ACO2: variants seen among roughly 807,000 people sequenced by gnomAD.
ACO2 encodes aconitate hydratase, mitochondrial.
ACO2 carries 31 observed loss-of-function variants against 84.5 expected under a neutral mutation model. That is an observed-to-expected ratio of 0.37 (90% CI 0.28 to 0.50). ACO2 has a LOEUF of 0.50. Ranked by LOEUF, ACO2 falls within the 20% of genes least tolerant of loss-of-function variation. The pLI, the probability that ACO2 is intolerant of heterozygous loss-of-function variation, is 0.97. For synonymous variants in ACO2, 414 were observed against 412.7 expected (o/e 1.00, Z -0.04); for missense variants, 685 against 1,029.3 (o/e 0.67, Z 4.58).
intron 7 of ACO2, 141 bp from the exon 8 acceptor site, chr22:41,518,340 C>T (rs1171163231): frequency 3.0e-6 from 2 of 664,826 alleles, no homozygotes; most frequent in Non-Finnish European, 5.4e-6. Flanking sequence ...AGGGCAGAGA[C>T]AGCAGCCTTG....
intron 1 of ACO2, among the ~76,000 whole-genome samples, chr22:41,485,124 A>G (rs7288661): frequency 0.062 from 9,377 of 151,728 alleles, 926 homozygotes; most frequent in African/African-American, 0.21. Context: ...TAATCCACCC[A>G]CCTCAGCCTC....
At chr22:41,523,768 C>T (rs1436184154) in intron 11 of ACO2, 62 bp from the exon 12 acceptor site, 48 of 1,448,420 alleles carry the variant, frequency 3.3e-5, no homozygotes, top group Non-Finnish European at 4.2e-5. Context: ...GCTTATCTGT[C>T]CTCGGGACAG....
chr22:41,499,713 T>C lies in ACO2; in HGVS notation c.37-13T>C. 1 of 1,610,256 alleles carries C rather than the reference T, an allele frequency of 6.2e-7. No homozygotes were observed. ...TGCTCCATTGACAGTGGCTGTCATG[T>C]TTCTTCTTGCAGAAAGCTCTGGGTG... On this transcript the variant is annotated splice_polypyrimidine_tract_variant and intron_variant, in intron 1 of 17. Coordinates refer to ENST00000216254, the MANE Select transcript of ACO2 (RefSeq NM_001098.3).
At chr22:41,513,558 C>T (rs2066452918) in intron 4 of ACO2, among the ~76,000 whole-genome samples, 1 of 152,210 alleles carries the variant, frequency 6.6e-6, no homozygotes, top group Non-Finnish European at 1.5e-5. Context: ...CGGCCCTCCC[C>T]GTGCCTGGCA....
chr22:41,482,212 C>G (rs2038095952), intron 1 of ACO2, among the ~76,000 whole-genome samples: 1 of 152,232 alleles, frequency 6.6e-6, no homozygotes, highest in African/African-American at 2.4e-5. Flanking sequence ...GCTCATCCAG[C>G]TAGACTCAGC....
Position 41,528,479 on chromosome 22 carries a change from C to A in ACO2, c.2209C>A (p.Pro737Thr), listed in dbSNP as rs149528960. The A allele has an allele frequency of 1.2e-4, 199 of 1,611,868 alleles. No individual in the cohort carries two copies. Among genetic ancestry groups the A allele is most frequent in the Non-Finnish European group, 1.7e-4 (195 of 1,179,906 alleles). ...QGLKDFTPGKPLKCIIKHPNG... is the reference protein window; with the variant it reads ...QGLKDFTPGKTLKCIIKHPNG... Reference sequence around the variant, plus strand: ...ACCCACACCCACCTTCTCCTTGCAGCCCCTGAAGTGCATCATCAAGCACCC... The same window carrying A: ...ACCCACACCCACCTTCTCCTTGCAGACCCTGAAGTGCATCATCAAGCACCC... The change falls in exon 18 of 18, where the codon CCC becomes ACC. Residue 737 changes from proline (P) to threonine (T), a missense_variant and splice_region_variant. By Grantham distance (38) the Pro-to-Thr change is conservative. Around this residue, in one of 5 missense-constraint regions of ACO2, gnomAD observed 174 missense variants for 236.6 expected, o/e 0.74. Transcript: ENST00000216254.
At chr22:41,499,893 C>T in intron 2 of ACO2, 31 bp downstream of exon 2, 1 of 1,610,216 alleles carries the variant, frequency 6.2e-7, no homozygotes, top group Admixed American at 1.7e-5. Flanking sequence ...CTGTGACTGT[C>T]AAGGGCATTG....
chr22:41,500,057 G>C (rs1368432392), intron 2 of ACO2, among the ~76,000 whole-genome samples, 195 bp downstream of exon 2: 1 of 152,178 alleles, frequency 6.6e-6, no homozygotes, highest in Admixed American at 6.5e-5. Context: ...TGCCAAGGGA[G>C]AATCTGTGTT....
At chr22:41,487,816 A>C (rs28620979) in intron 1 of ACO2, among the ~76,000 whole-genome samples, 2 of 152,074 alleles carry the variant, frequency 1.3e-5, no homozygotes, top group South Asian at 4.1e-4. Context: ...TCCTGATCTC[A>C]CCGTGCATGC....
At position 41,480,811 on chromosome 22, in the gene ACO2, TTTG is replaced by T. The variant is rs554572571; in HGVS notation, c.36+11644_36+11646del. On this transcript the variant is annotated intron_variant, in intron 1 of 17. Transcript: ENST00000216254. The stretch of plus-strand genomic sequence containing the variant: ...TAATCCTCACAAAATCTCTGCCATT[TTTG>T]TTGTTGTTGTTGTTCTTCCGAGATG... Among the ~76,000 whole-genome samples the T allele has an allele frequency of 1.8e-3, 280 of 152,228 alleles. 2 individuals are homozygous for T. The highest frequency in any genetic ancestry group is 2.5e-3 in the Non-Finnish European group (168 of 68,012).
intron 2 of ACO2, among the ~76,000 whole-genome samples, chr22:41,506,883 G>A (rs2066397026): frequency 2.0e-5 from 3 of 152,062 alleles, no homozygotes; most frequent in African/African-American, 7.2e-5. Flanking sequence ...CAGGCAGGGC[G>A]GCCACAACAG....
chr22:41,474,180 G>T (rs1007220347), intron 1 of ACO2, among the ~76,000 whole-genome samples: 15 of 152,210 alleles, frequency 9.9e-5, no homozygotes, highest in African/African-American at 3.6e-4. Flanking sequence ...GAGGCAGATG[G>T]GTTGGCGCAT....
intron 2 of ACO2, among the ~76,000 whole-genome samples, chr22:41,503,990 G>C (rs2066373397): frequency 6.6e-6 from 1 of 152,064 alleles, no homozygotes; most frequent in Non-Finnish European, 1.5e-5. Context: ...GAGGCAGGCG[G>C]ATCACTTAAG....
At chr22:41,478,477 T>C (rs2038046752) in intron 1 of ACO2, among the ~76,000 whole-genome samples, 1 of 152,186 alleles carries the variant, frequency 6.6e-6, no homozygotes, top group Non-Finnish European at 1.5e-5. Flanking sequence ...TTAAAAGAGT[T>C]GGGGGAAGAG....
At chr22:41,493,742 G>C (rs2066291611) in intron 1 of ACO2, among the ~76,000 whole-genome samples, 1 of 152,016 alleles carries the variant, frequency 6.6e-6, no homozygotes, top group African/African-American at 2.4e-5. Flanking sequence ...AGGAGTTCGA[G>C]ACCATCCTGG....
chr22:41,470,101 G>A (rs2037925692), intron 1 of ACO2, among the ~76,000 whole-genome samples: 1 of 152,212 alleles, frequency 6.6e-6, no homozygotes, highest in East Asian at 1.9e-4. Flanking sequence ...CCTGTTAGGA[G>A]CTATCTAGAA....
At position 41,515,536 on chromosome 22, in the gene ACO2, G is replaced by A; in HGVS notation, c.684+1G>A. 6.2e-7 allele frequency: 1 copy of A among 1,608,434 alleles called. No homozygotes were observed. The highest frequency in any genetic ancestry group is 8.5e-7 in the Non-Finnish European group (1 of 1,177,054). On this transcript the variant is annotated splice_donor_variant, in intron 5 of 17. Transcript: ENST00000216254. LOFTEE classifies it high-confidence loss of function. The surrounding 1 kb of genome is among the most constrained non-coding windows in gnomAD (Gnocchi z 5.8). ...CCCCTGGGAGCTGAAGTGCCCCAAG[G>A]TGAGGGTGGGGAGGGACTCATTCTG...
At chr22:41,485,662 C>T (rs1459793260) in intron 1 of ACO2, among the ~76,000 whole-genome samples, 1 of 151,938 alleles carries the variant, frequency 6.6e-6, no homozygotes, top group African/African-American at 2.4e-5. Context: ...CCAGGATGGT[C>T]TCGATCTCCT....
intron 1 of ACO2, among the ~76,000 whole-genome samples, chr22:41,483,806 G>C (rs535739679): frequency 6.6e-6 from 1 of 152,172 alleles, no homozygotes; most frequent in East Asian, 1.9e-4. Flanking sequence ...TTGAGGATGT[G>C]TTCTCTCAAA....
Sources: gnomAD v4.1 joint callset for allele counts (sites outside exome capture counted in the v4.1 genomes callset) on GRCh38, gnomAD v4.1.1 for gene constraint, gnomAD v4.1.1 regional missense constraint, Gnocchi (gnomAD v3.1) non-coding constraint, MANE v1.5 for transcripts, NCBI Gene and HGNC (gene_info 2026-07-23, HGNC 2026-07-21) for gene names.